Variants in UNC80 observed in about 807,000 individuals in gnomAD.
UNC80 encodes the protein unc-80 subunit of NALCN channel complex, also known as protein unc-80 homolog.
Under a neutral mutation model 384.6 loss-of-function variants are expected in UNC80, and 164 were observed. That is an observed-to-expected ratio of 0.43 (90% CI 0.38 to 0.49). The LOEUF is 0.49. UNC80 is among the 20% of genes least tolerant of loss of function. UNC80 has a pLI of 0.00. For synonymous variants in UNC80, 1,486 were observed against 1,527.8 expected, an observed-to-expected ratio of 0.97 and a Z score of 0.64; for missense variants, 3,330 against 4,143.0, an observed-to-expected ratio of 0.80 and a Z score of 5.39.
rs535052171 is a variant in UNC80 at position 209,899,144 on chromosome 2, T to C, written c.4581+2731T>C. 4.7e-4 allele frequency among the ~76,000 whole-genome samples: 72 copies of C among 152,310 alleles called. 1 individual carries two copies. The South Asian group carries it at 0.014, about 31-fold the overall frequency. ...ACTTCAATATATGAATCTATTTTCT[T>C]TACTCTTCTTGGTCCTGCTCCTAAA... On this transcript the variant is annotated intron_variant, in intron 28 of 64. Coordinates refer to ENST00000673920, the MANE Select transcript of UNC80 (RefSeq NM_001371986.1).
At chr2:209,841,826 G>C (rs1008235978) in intron 20 of UNC80, among the ~76,000 whole-genome samples, 1 of 152,098 alleles carries the variant, frequency 6.6e-6, no homozygotes, top group African/African-American at 2.4e-5. Flanking sequence ...TCCTTGCTGT[G>C]CGAAAAATTT....
rs932811555 is a variant in UNC80 at position 209,998,824 on chromosome 2, C to T, written c.*3229C>T. 1.3e-5 allele frequency: 2 copies of T among 152,226 alleles called. No individual in the cohort carries two copies. Among genetic ancestry groups the T allele is most frequent in the Non-Finnish European group, 1.5e-5 (1 of 68,044 alleles). The allele number at this position is 152,226 out of a possible 1,614,324, so 9.4% of individuals were successfully genotyped here. ...CATGCTGTTGCCCTGTGACCTCACA[C>T]TTCCCATTCCATGGCCTTGTCTTGG... On this transcript the variant is annotated 3_prime_UTR_variant, in exon 65 of 65. Transcript: ENST00000673920.
intron 23 of UNC80, among the ~76,000 whole-genome samples, 154 bp from the exon 24 acceptor site, chr2:209,877,800 G>T (rs1481856220): frequency 6.6e-6 from 1 of 152,162 alleles, no homozygotes; most frequent in African/African-American, 2.4e-5. Flanking sequence ...TTCCATACTG[G>T]CAAATATGGT....
intron 1 of UNC80, among the ~76,000 whole-genome samples, chr2:209,772,656 C>T (rs907896695): frequency 3.3e-5 from 5 of 152,146 alleles, no homozygotes; most frequent in African/African-American, 1.2e-4. Context: ...TCCCCCACAA[C>T]CCCGGAAAGG....
At position 209,959,549 on chromosome 2, in the gene UNC80, A is replaced by G. The variant is rs2092524427; in HGVS notation, c.7647A>G (p.Arg2549=). 3.9e-6 allele frequency: 6 copies of G among 1,551,722 alleles called. No individual in the cohort carries two copies. Among genetic ancestry groups the G allele is most frequent in the Non-Finnish European group, 4.4e-6 (5 of 1,146,990 alleles). The change falls in exon 51 of 65, where the codon CGA becomes CGG. Residue 2549 remains arginine (R), a synonymous_variant. Coordinates refer to ENST00000673920, the MANE Select transcript of UNC80 (RefSeq NM_001371986.1). The part of the protein sequence containing the change: ...QGIPREELDE[R]IAREEFRRPR... ...TTCCCAGAGAGGAACTGGATGAACG[A>G]ATTGCTCGGGAAGAGTTCAGAAGAC...
chr2:209,881,063 G>A lies in UNC80; in HGVS notation c.4079G>A (p.Cys1360Tyr). The A allele has an allele frequency of 6.4e-7, 1 of 1,551,626 alleles. No individual in the cohort carries two copies. The highest frequency in any genetic ancestry group is 8.7e-7 in the Non-Finnish European group (1 of 1,147,002). Residue 1360 changes from cysteine (C) to tyrosine (Y), a missense_variant, in exon 25 of 65, where the codon TGC (cysteine) becomes TAC (tyrosine). Physicochemically the swap from Cys to Tyr is radical, Grantham distance 194. Transcript: ENST00000673920. ...ITTFLRETFSCLPRPRTEPLV... is the reference protein window; with the variant it reads ...ITTFLRETFSYLPRPRTEPLV... Reference sequence around the variant, plus strand: ...ACCTTCCTGCGAGAGACCTTTTCTTGCCTGCCCAGACCTCGCACTGAGCCT... The same window carrying A: ...ACCTTCCTGCGAGAGACCTTTTCTTACCTGCCCAGACCTCGCACTGAGCCT...
In UNC80 at chr2:209,904,865, T is replaced by A. The variant is rs2087985570; in HGVS notation, c.4682T>A (p.Leu1561Gln). 3 of 1,551,932 alleles carry A rather than the reference T, an allele frequency of 1.9e-6. No homozygotes were observed. Among genetic ancestry groups the A allele is most frequent in the Non-Finnish European group, 1.7e-6 (2 of 1,147,036 alleles). Residue 1561 changes from leucine to glutamine, a missense_variant, in exon 29 of 65, where the codon CTG becomes CAG. Transcript: ENST00000673920. ...CACCACAGCCGCTCCTGTGCCCGAC[T>A]GGTCAGAGCCATCAAGCTACTCTAT... is the stretch of plus-strand genomic sequence containing the variant. ...YLHHSRSCAR[L>Q]VRAIKLLYGD...
chr2:209,814,731 G>A (rs947553051), intron 8 of UNC80, among the ~76,000 whole-genome samples: 11 of 151,990 alleles, frequency 7.2e-5, no homozygotes, highest in South Asian at 2.1e-4. Context: ...CCTCTTTCTC[G>A]TCAACACCAG....
intron 29 of UNC80, among the ~76,000 whole-genome samples, chr2:209,906,736 A>G (rs2088268932): frequency 6.6e-6 from 1 of 152,168 alleles, no homozygotes. Flanking sequence ...AAAAAAAGTA[A>G]ATACGTTTGT....
intron 33 of UNC80, among the ~76,000 whole-genome samples, chr2:209,920,120 G>A (rs746992493): frequency 1.1e-4 from 16 of 152,108 alleles, no homozygotes; most frequent in Non-Finnish European, 2.1e-4. Flanking sequence ...AATGAGCTGA[G>A]ATTGTGCCAT....
chr2:209,878,910 TG>T (rs2085019347), intron 24 of UNC80, among the ~76,000 whole-genome samples: 1 of 152,198 alleles, frequency 6.6e-6, no homozygotes, highest in Non-Finnish European at 1.5e-5. Flanking sequence ...CTTCATTAGA[TG>T]ATTCAGACCT....
chr2:209,885,344 G>A (rs1004092228), intron 25 of UNC80, among the ~76,000 whole-genome samples: 4 of 152,196 alleles, frequency 2.6e-5, no homozygotes, highest in African/African-American at 9.7e-5. Flanking sequence ...GCCACGGCTA[G>A]CCAAAGAAGG....
At chr2:209,989,035 G>A (rs2093343865) in intron 61 of UNC80, among the ~76,000 whole-genome samples, 1 of 152,018 alleles carries the variant, frequency 6.6e-6, no homozygotes, top group Non-Finnish European at 1.5e-5. Context: ...AAACCTGACT[G>A]GGCACCGTGG....
chr2:209,889,427 G>A (rs556734034), intron 26 of UNC80, among the ~76,000 whole-genome samples: 78 of 152,240 alleles, frequency 5.1e-4, no homozygotes, highest in African/African-American at 1.8e-3. Flanking sequence ...TCACCCACTT[G>A]TATGCACATA....
At position 209,959,523 on chromosome 2, in the gene UNC80, A is replaced by G; in HGVS notation, c.7621A>G (p.Ile2541Val). 6.4e-7 allele frequency: 1 copy of G among 1,551,730 alleles called. No individual in the cohort carries two copies. The highest frequency in any genetic ancestry group is 8.7e-7 in the Non-Finnish European group (1 of 1,146,984). Residue 2541 changes from isoleucine (I) to valine (V), a missense_variant, in exon 51 of 65, where the codon ATT becomes GTT. Ile to Val is a conservative substitution (Grantham distance 29). Transcript: ENST00000673920. Reference protein sequence around the residue: ...NLHLLEEGQGIPREELDERIA... With the variant: ...NLHLLEEGQGVPREELDERIA... ...TCATTTACTGGAGGAAGGGCAAGGC[A>G]TTCCCAGAGAGGAACTGGATGAACG...
At chr2:209,835,048 A>C (rs1381727039) in intron 18 of UNC80, 38 bp downstream of exon 18, 1 of 1,421,830 alleles carries the variant, frequency 7.0e-7, no homozygotes, top group East Asian at 2.5e-5. Flanking sequence ...GCAGACGGCT[A>C]TGCACTTCAC....
At chr2:209,898,012 G>T (rs1290246047) in intron 28 of UNC80, among the ~76,000 whole-genome samples, 2 of 152,064 alleles carry the variant, frequency 1.3e-5, no homozygotes, top group Non-Finnish European at 2.9e-5. Flanking sequence ...TCAGCAAAAA[G>T]ATTGTTTATA....
At position 209,972,204 on chromosome 2, in the gene UNC80, T is replaced by C. The variant is rs1185297491; in HGVS notation, c.8260T>C (p.Leu2754=). Residue 2754 remains leucine, a synonymous_variant, in exon 55 of 65, where the codon TTA becomes CTA. Coordinates refer to ENST00000673920, the MANE Select transcript of UNC80 (RefSeq NM_001371986.1). ...TTCTTCTATTATTGCTGCACAGGCT[T>C]TAAAAGAAGATTTTCCTTTAAGCCA... is the stretch of plus-strand genomic sequence containing the variant. ...VRLVALQIQA[L]KEDFPLSHVI... 6.4e-7 allele frequency: 1 copy of C among 1,550,810 alleles called. No individual in the cohort carries two copies. The highest frequency in any genetic ancestry group is 2.4e-5 in the East Asian group (1 of 40,880).
intron 46 of UNC80, among the ~76,000 whole-genome samples, chr2:209,945,624 C>G (rs2091878472): frequency 6.6e-6 from 1 of 152,098 alleles, no homozygotes; most frequent in Non-Finnish European, 1.5e-5. Context: ...TTTTTAAACA[C>G]TCCAGAAAAG....
Sources: allele counts gnomAD v4.1 joint callset (sites outside exome capture counted in the v4.1 genomes callset), GRCh38; gene constraint gnomAD v4.1.1; transcripts MANE v1.5; gene names NCBI Gene and HGNC (gene_info 2026-07-23, HGNC 2026-07-21).